The following NF1 variants were observed in gnomAD, a reference collection of about 807,000 sequenced individuals.
NF1 encodes neurofibromin.
A neutral mutation model predicts 325.7 loss-of-function variants in NF1; 122 were observed. That is an observed-to-expected ratio of 0.37 (90% CI 0.32 to 0.44). The LOEUF (loss-of-function observed/expected upper bound fraction) is 0.44. NF1 is among the 20% of genes least tolerant of loss of function. NF1 has a pLI of 1.00. For synonymous variants in NF1, 1,091 were observed against 1,186.0 expected, an observed-to-expected ratio of 0.92 and a Z score of 1.65; for missense variants, 2,140 against 3,415.4, an observed-to-expected ratio of 0.63 and a Z score of 9.31.
At position 31,374,174 on chromosome 17, in the gene NF1, T is replaced by C. The variant is rs747505447; in HGVS notation, c.*19T>C. On this transcript the variant is annotated 3_prime_UTR_variant, in exon 58 of 58. Transcript: ENST00000358273. ...CGTGTGAAGCTTGCTTGCTTTCTTT[T>C]TTAAAATCAACTTAACATGGGCTCT... 2.5e-5 allele frequency: 41 copies of C among 1,613,800 alleles called. No homozygotes were observed. The highest frequency in any genetic ancestry group is 3.5e-5 in the Non-Finnish European group (41 of 1,179,886).
chr17:31,241,517 A>G lies in NF1; in HGVS notation c.3974+5496A>G, dbSNP rs190892487. Among the ~76,000 whole-genome samples, 8 of 151,988 alleles carry G rather than the reference A, an allele frequency of 5.3e-5. No homozygotes were observed. In the East Asian group the frequency reaches 1.5e-3, roughly 29 times the overall value. ...TTTTTATTTTTTGTGCATCTGTTGT[A>G]TGTTTTTGATTTGAGGTTACCATGA... is the stretch of plus-strand genomic sequence containing the variant. On this transcript the variant is annotated intron_variant, in intron 29 of 57. Transcript: ENST00000358273.
In NF1 at chr17:31,214,524, A is replaced by T. The variant is rs137854557; in HGVS notation, c.1466A>T (p.Tyr489Phe). The T allele has an allele frequency of 6.2e-7, 1 of 1,612,088 alleles. No individual in the cohort carries two copies. The highest frequency in any genetic ancestry group is 8.5e-7 in the Non-Finnish European group (1 of 1,178,502). Residue 489 changes from tyrosine to phenylalanine, a missense_variant, in exon 13 of 58, where the codon TAT becomes TTT. Physicochemically the swap from Tyr to Phe is conservative, Grantham distance 22. Transcript: ENST00000358273. The part of the protein sequence containing the change: ...EKPTDLETRS[Y>F]KYLLLSMVKL... The stretch of plus-strand genomic sequence containing the variant: ...CCTACAGACCTGGAGACAAGAAGCT[A>T]TAAGTATCTTCTCTTGTCCATGGTG...
intron 36 of NF1, chr17:31,296,953 G>T (rs538793078): frequency 6.5e-6 from 1 of 152,686 alleles, no homozygotes; most frequent in South Asian, 2.1e-4. Flanking sequence ...GTATATTTCA[G>T]TGCCCATTTT....
At chr17:31,370,535 C>T (rs534543136) in intron 57 of NF1, among the ~76,000 whole-genome samples, 13 of 152,226 alleles carry the variant, frequency 8.5e-5, no homozygotes, top group African/African-American at 2.6e-4. Context: ...TGAGGTTTGA[C>T]GGTTATTTGC....
chr17:31,328,977 A>G (rs1014117505), intron 38 of NF1, among the ~76,000 whole-genome samples: 4 of 152,176 alleles, frequency 2.6e-5, no homozygotes, highest in African/African-American at 4.8e-5. Flanking sequence ...AAGTTTTGTC[A>G]AAATTGTATA....
At chr17:31,163,438 T>C in intron 4 of NF1, 62 bp downstream of exon 4, 2 of 1,550,348 alleles carry the variant, frequency 1.3e-6, no homozygotes, top group Non-Finnish European at 1.8e-6. Flanking sequence ...TTTTGTTTTT[T>C]GTCTACATAA....
intron 1 of NF1, among the ~76,000 whole-genome samples, chr17:31,119,896 G>A (rs759408424): frequency 2.6e-5 from 4 of 152,062 alleles, no homozygotes; most frequent in Non-Finnish European, 5.9e-5. Context: ...TTTTTGTCAG[G>A]TTTGTCAAAG....
chr17:31,187,586 A>G (rs1309607030), intron 8 of NF1, among the ~76,000 whole-genome samples: 1 of 152,212 alleles, frequency 6.6e-6, no homozygotes, highest in Non-Finnish European at 1.5e-5. Context: ...TACAATGCCA[A>G]CTAGAAGACA....
At chr17:31,182,805 T>A in intron 8 of NF1, 140 bp downstream of exon 8, 1 of 837,586 alleles carries the variant, frequency 1.2e-6, no homozygotes, top group Admixed American at 2.1e-5. Flanking sequence ...TTTCTTTGTT[T>A]GATGGACTTA....
chr17:31,242,583 A>G (rs557297175), intron 29 of NF1, among the ~76,000 whole-genome samples: 298 of 152,194 alleles, frequency 2.0e-3, no homozygotes, highest in African/African-American at 6.8e-3. Flanking sequence ...CTCTTGATGC[A>G]TATTTCAGTA....
chr17:31,118,938 C>CA (rs1914190261), intron 1 of NF1, among the ~76,000 whole-genome samples: 1 of 146,382 alleles, frequency 6.8e-6, no homozygotes, highest in Non-Finnish European at 1.5e-5. Flanking sequence ...GTCTCTCTCT[C>CA]TTTTTTTTTT....
intron 12 of NF1, among the ~76,000 whole-genome samples, chr17:31,213,662 A>G (rs1047661324): frequency 2.0e-5 from 3 of 152,150 alleles, no homozygotes; most frequent in African/African-American, 7.2e-5. Context: ...TAATTGTTGG[A>G]TTTTTGGTTG....
intron 36 of NF1, among the ~76,000 whole-genome samples, chr17:31,299,061 G>A (rs1467226394): frequency 6.6e-6 from 1 of 152,032 alleles, no homozygotes; most frequent in Non-Finnish European, 1.5e-5. Context: ...TGCAATAGTA[G>A]TGGCAATGTT....
intron 36 of NF1, among the ~76,000 whole-genome samples, chr17:31,290,647 C>T (rs2068326435): frequency 6.6e-6 from 1 of 152,132 alleles, no homozygotes; most frequent in Admixed American, 6.5e-5. Context: ...TTGTGGTTAT[C>T]TTTCTGTTTT....
At chr17:31,167,677 A>G (rs550422098) in intron 4 of NF1, among the ~76,000 whole-genome samples, 9 of 152,320 alleles carry the variant, frequency 5.9e-5, no homozygotes, top group African/African-American at 1.9e-4. Context: ...AGCAATACCA[A>G]CTTTTGAAAA....
intron 31 of NF1, among the ~76,000 whole-genome samples, chr17:31,255,314 C>T (rs540826910): frequency 5.9e-5 from 9 of 151,572 alleles, no homozygotes; most frequent in Non-Finnish European, 1.2e-4. Context: ...ACCTTTTATG[C>T]AGAATGTCTT....
chr17:31,295,272 T>G (rs1237655737), intron 36 of NF1: 2 of 1,613,986 alleles, frequency 1.2e-6, no homozygotes, highest in Non-Finnish European at 1.7e-6. Flanking sequence ...AGATGAATAG[T>G]TAGAGTTGCA....
chr17:31,102,309 A>G (rs548078017), intron 1 of NF1, among the ~76,000 whole-genome samples: 7 of 151,660 alleles, frequency 4.6e-5, no homozygotes, highest in African/African-American at 1.7e-4. Context: ...AAAAGTCTAA[A>G]ATTTTTCTAA....
At chr17:31,266,726 A>G (rs942881390) in intron 36 of NF1, among the ~76,000 whole-genome samples, 1 of 133,776 alleles carries the variant, frequency 7.5e-6, no homozygotes, top group African/African-American at 2.5e-5. Context: ...TTTCTGGAAA[A>G]CAAAGCTGCG....
Sources: allele counts gnomAD v4.1 joint callset (sites outside exome capture counted in the v4.1 genomes callset), GRCh38; gene constraint gnomAD v4.1.1; transcripts MANE v1.5; gene names NCBI Gene and HGNC (gene_info 2026-07-23, HGNC 2026-07-21).